The following CPSF4 variants were observed in gnomAD, a reference collection of about 807,000 sequenced individuals.
CPSF4 encodes cleavage and polyadenylation specific factor 4, also known as cleavage and polyadenylation specificity factor subunit 4.
CPSF4 carries 11 observed loss-of-function variants against 37.7 expected under a neutral mutation model. That is an observed-to-expected ratio of 0.29 (90% CI 0.18 to 0.48). The LOEUF (loss-of-function observed/expected upper bound fraction) is 0.48, where lower values mean the gene tolerates loss of function less well. Ranked by LOEUF, CPSF4 falls within the 20% of genes least tolerant of loss-of-function variation. The probability of loss-of-function intolerance (pLI) is 0.99; values close to 1 mark genes in which losing one functional copy is unlikely to be tolerated. For missense variants in CPSF4, 144 were observed against 359.5 expected (o/e 0.40, Z 4.85); for synonymous variants, 132 against 135.9 (o/e 0.97, Z 0.20).
chr7:99,446,419 T>G (rs1349142589), intron 2 of CPSF4, among the ~76,000 whole-genome samples: 2 of 152,170 alleles, frequency 1.3e-5, no homozygotes, highest in Admixed American at 1.3e-4. Context: ...AGCTGCCATA[T>G]TGGACAGCAG....
Position 99,448,964 on chromosome 7 carries a change from G to A in CPSF4, c.307+691G>A, listed in dbSNP as rs1322804351. ...CTGAGTGGCCTGCGTGGAGAAGCGG[G>A]AGCCCGGGTGGAGTCAGTGGGGCTG... On this transcript the variant is annotated intron_variant, in intron 3 of 7. Coordinates refer to ENST00000292476, the MANE Select transcript of CPSF4 (RefSeq NM_006693.4). The surrounding 1 kb of genome is among the most constrained non-coding windows in gnomAD (Gnocchi z 4.4). 3 of 152,750 alleles carry A rather than the reference G, an allele frequency of 2.0e-5. No individual in the cohort carries two copies. The East Asian group carries it at 5.8e-4, about 29-fold the overall frequency. 9.5% of individuals were successfully genotyped at this position (152,750 alleles called of 1,614,324 possible).
intron 1 of CPSF4, among the ~76,000 whole-genome samples, chr7:99,440,239 C>T (rs1229212624): frequency 1.3e-5 from 2 of 152,142 alleles, no homozygotes; most frequent in African/African-American, 4.8e-5. Flanking sequence ...CTGTCGCCCA[C>T]AACTACCAGC....
chr7:99,454,180 G>T (rs374544029), intron 7 of CPSF4, 44 bp downstream of exon 7: 1 of 1,530,484 alleles, frequency 6.5e-7, no homozygotes, highest in Non-Finnish European at 8.9e-7. Flanking sequence ...TTCCCTTACC[G>T]TCAGTGGCCA....
At chr7:99,455,674 T>G (rs1391693411) in intron 7 of CPSF4, among the ~76,000 whole-genome samples, 2 of 152,188 alleles carry the variant, frequency 1.3e-5, no homozygotes, top group Non-Finnish European at 2.9e-5. Flanking sequence ...TGTTCAGTGC[T>G]TGAGGCTGCC....
chr7:99,443,454 T>C (rs1279871245), intron 1 of CPSF4: 1 of 1,117,712 alleles, frequency 8.9e-7, no homozygotes, highest in Non-Finnish European at 1.4e-6. Flanking sequence ...TGCTTTAGTT[T>C]AGCAAGCTTC....
At chr7:99,454,346 T>C (rs1019979082) in intron 7 of CPSF4, among the ~76,000 whole-genome samples, 1 of 152,142 alleles carries the variant, frequency 6.6e-6, no homozygotes, top group Non-Finnish European at 1.5e-5. Context: ...CGGTAAAGGA[T>C]GGTGAGAACG....
chr7:99,451,995 G>A (rs1330207701), intron 5 of CPSF4, among the ~76,000 whole-genome samples: 5 of 152,212 alleles, frequency 3.3e-5, no homozygotes, highest in African/African-American at 7.2e-5. Flanking sequence ...AGGGGCTGAC[G>A]CCAGAGTAAG....
chr7:99,453,782 G>T lies in CPSF4; in HGVS notation c.571-184G>T. On this transcript the variant is annotated intron_variant, in intron 6 of 7. Coordinates refer to ENST00000292476, the MANE Select transcript of CPSF4 (RefSeq NM_006693.4). The surrounding 1 kb of genome is among the most constrained non-coding windows in gnomAD (Gnocchi z 4.7). Reference sequence around the variant, plus strand: ...TGTGTGTCTGCATGGTGTTTTTCGGGCAGTGGCTTCTGCCATCATCACCAC... The same window carrying T: ...TGTGTGTCTGCATGGTGTTTTTCGGTCAGTGGCTTCTGCCATCATCACCAC... The T allele has an allele frequency of 1.7e-6, 1 of 597,292 alleles. No homozygotes were observed. Among genetic ancestry groups the T allele is most frequent in the Admixed American group, 2.9e-5 (1 of 33,922 alleles). The allele number at this position is 597,292 out of a possible 1,614,324, so 37.0% of individuals were successfully genotyped here.
chr7:99,447,812 G>A (rs1467979705), intron 2 of CPSF4: 8 of 472,590 alleles, frequency 1.7e-5, no homozygotes, highest in Admixed American at 9.3e-5. Flanking sequence ...GATGGTCTCC[G>A]TGCCAGCCAG....
chr7:99,456,718 T>A lies in CPSF4; in HGVS notation c.*218T>A, dbSNP rs1798342387. ...GTCCTGTGGGTCCCTGCAGTCGACA[T>A]CATGTTTGGCTGGGCATCGATGCCT... On this transcript the variant is annotated 3_prime_UTR_variant, in exon 8 of 8. Transcript: ENST00000292476. The A allele has an allele frequency of 1.6e-6, 1 of 624,580 alleles. No homozygotes were observed. The highest frequency in any genetic ancestry group is 2.9e-5 in the East Asian group (1 of 34,822). The allele number at this position is 624,580 out of a possible 1,614,324, so 38.7% of individuals were successfully genotyped here. A position where few individuals can be genotyped will look rare whatever the true frequency, so the allele number is the denominator to read the frequency against.
At chr7:99,442,432 G>A (rs1388025958) in intron 1 of CPSF4, among the ~76,000 whole-genome samples, 5 of 151,792 alleles carry the variant, frequency 3.3e-5, no homozygotes, top group Non-Finnish European at 5.9e-5. Flanking sequence ...CGAGGCGGGC[G>A]GATCACGAGG....
intron 5 of CPSF4, among the ~76,000 whole-genome samples, chr7:99,451,541 G>C (rs45555335): frequency 0.089 from 13,519 of 152,296 alleles, 984 homozygotes; most frequent in African/African-American, 0.2. Flanking sequence ...GGAGGTGGAA[G>C]TTGCAGTGAG....
chr7:99,451,010 C>T (rs1797891676), intron 5 of CPSF4: 2 of 543,406 alleles, frequency 3.7e-6, no homozygotes, highest in Non-Finnish European at 3.3e-6. Context: ...GCTGATCTTT[C>T]TTGGGTCATG....
intron 1 of CPSF4, chr7:99,443,457 C>G (rs1318894773): frequency 1.5e-5 from 16 of 1,063,686 alleles, no homozygotes; most frequent in Non-Finnish European, 8.8e-6. Context: ...TTTAGTTTAG[C>G]AAGCTTCAGC....
chr7:99,445,578 T>G (rs901456312), intron 2 of CPSF4, among the ~76,000 whole-genome samples: 6 of 152,278 alleles, frequency 3.9e-5, no homozygotes, highest in Admixed American at 6.5e-5. Flanking sequence ...TGGGCCGGGC[T>G]AATCCATCAG....
chr7:99,440,947 C>CT (rs555082595), intron 1 of CPSF4, among the ~76,000 whole-genome samples: 2,139 of 120,250 alleles, frequency 0.018, 110 homozygotes, highest in African/African-American at 0.054. Context: ...CTTTTCCTGT[C>CT]TTTTTTTTTT....
Position 99,442,992 on chromosome 7 carries a change from T to A in CPSF4, c.104-1797T>A. Reference sequence around the variant, plus strand: ...AATCCCAAATCGCTCCTTCCTCTTTTTCAGTTTCTTATCATCTTCAGACTT... The same window carrying A: ...AATCCCAAATCGCTCCTTCCTCTTTATCAGTTTCTTATCATCTTCAGACTT... On this transcript the variant is annotated intron_variant, in intron 1 of 7. Coordinates refer to ENST00000292476, the MANE Select transcript of CPSF4 (RefSeq NM_006693.4). 2.5e-6 allele frequency: 4 copies of A among 1,571,246 alleles called. No homozygotes were observed. The African/African-American group carries it at 5.4e-5, about 21-fold the overall frequency.
At position 99,439,359 on chromosome 7, in the gene CPSF4, C is replaced by T. The variant is rs1464111033; in HGVS notation, c.103+174C>T. 2.3e-5 allele frequency: 12 copies of T among 526,094 alleles called. No homozygotes were observed. In the South Asian group the frequency reaches 2.7e-4, roughly 12 times the overall value. 32.6% of individuals were successfully genotyped at this position (526,094 alleles called of 1,614,324 possible). A position where few individuals can be genotyped will look rare whatever the true frequency, so the allele number is the denominator to read the frequency against. ...TCCCTCTAGGTCTTGAGAGTCCCTC[C>T]CACCTCCTCCGGGTCCTGGGATCCT... On this transcript the variant is annotated intron_variant, in intron 1 of 7. Coordinates refer to ENST00000292476, the MANE Select transcript of CPSF4 (RefSeq NM_006693.4).
At chr7:99,444,685 C>A in intron 1 of CPSF4, 104 bp from the exon 2 acceptor site, 1 of 1,104,352 alleles carries the variant, frequency 9.1e-7, no homozygotes, top group South Asian at 1.3e-5. Flanking sequence ...ACCCTGAACC[C>A]TTGGTGGGTC....
Sources: allele counts gnomAD v4.1 joint callset (sites outside exome capture counted in the v4.1 genomes callset), GRCh38; gene constraint gnomAD v4.1.1; non-coding constraint Gnocchi (gnomAD v3.1); transcripts MANE v1.5; gene names NCBI Gene and HGNC (gene_info 2026-07-23, HGNC 2026-07-21).